TUSC3: variants seen among roughly 807,000 people sequenced by gnomAD.
The protein encoded by TUSC3 is dolichyl-diphosphooligosaccharide--protein glycosyltransferase subunit TUSC3.
A neutral mutation model predicts 44.8 loss-of-function variants in TUSC3; 45 were observed. The ratio of observed to expected loss-of-function variants is 1.00; its 90% CI spans 0.79 to 1.29. The LOEUF is 1.29. Among genes scored for constraint, TUSC3 ranks in the 50% most tolerant of loss-of-function variants. The pLI is 0.00. For missense variants in TUSC3, 519 were observed against 437.9 expected (o/e 1.19, Z -1.65); for synonymous variants, 212 against 152.9 (o/e 1.39, Z -2.85).
rs183109384 is a variant in TUSC3 at position 15,435,683 on chromosome 8, G to T, written n.91+18378G>T. Reference sequence around the variant, plus strand: ...CCTCTTTTTAGCAGGTTGACTTAGAGGAATAAAAATCTCACCTTACATTTG... The same window carrying T: ...CCTCTTTTTAGCAGGTTGACTTAGATGAATAAAAATCTCACCTTACATTTG... On this transcript the variant is annotated intron_variant and non_coding_transcript_variant, in intron 1 of 5. Transcript: ENST00000503191. Among the ~76,000 whole-genome samples, 35 of 152,144 alleles carry T rather than the reference G, an allele frequency of 2.3e-4. No homozygotes were observed. In the East Asian group the frequency reaches 6.4e-3, roughly 28 times the overall value.
the TUSC3 span, among the ~76,000 whole-genome samples, chr8:15,820,598 G>A: frequency 0.091 from 13,901 of 152,140 alleles, 750 homozygotes; most frequent in Middle Eastern, 0.18. Flanking sequence ...GATTACAGGC[G>A]TGAGCCACGG....
intron 1 of TUSC3, among the ~76,000 whole-genome samples, chr8:15,562,611 T>C (rs62504197): frequency 0.19 from 29,534 of 152,006 alleles, 2,881 homozygotes; most frequent in South Asian, 0.24. Context: ...GTTGCGTTCT[T>C]TTCTGAATCT....
chr8:15,498,016 C>G (rs1800907186), intron 2 of TUSC3, among the ~76,000 whole-genome samples: 1 of 152,058 alleles, frequency 6.6e-6, no homozygotes, highest in Admixed American at 6.6e-5. Flanking sequence ...TTCCAAAGTG[C>G]TAGGATTACA....
intron 1 of TUSC3, among the ~76,000 whole-genome samples, chr8:15,587,656 A>G (rs1305472536): frequency 3.3e-5 from 5 of 152,112 alleles, no homozygotes; most frequent in Non-Finnish European, 7.4e-5. Flanking sequence ...GCTATAGAAC[A>G]CTAGAACTTA....
intron 2 of TUSC3, among the ~76,000 whole-genome samples, chr8:15,641,773 C>T (rs1386151158): frequency 6.6e-6 from 1 of 152,192 alleles, no homozygotes; most frequent in Non-Finnish European, 1.5e-5. Flanking sequence ...TATGTTCTTT[C>T]TACTTGGCCA....
chr8:15,815,607 C>A, the TUSC3 span, among the ~76,000 whole-genome samples: 1 of 152,106 alleles, frequency 6.6e-6, no homozygotes, highest in Non-Finnish European at 1.5e-5. Flanking sequence ...CATCTGTCAG[C>A]GATCTCTGCA....
At chr8:15,466,368 A>C (rs912427725) in intron 1 of TUSC3, among the ~76,000 whole-genome samples, 5 of 152,184 alleles carry the variant, frequency 3.3e-5, no homozygotes, top group African/African-American at 9.6e-5. Flanking sequence ...AAGCAATTAC[A>C]TGACTTTCTA....
the TUSC3 span, among the ~76,000 whole-genome samples, chr8:15,782,771 G>C: frequency 6.6e-6 from 1 of 152,234 alleles, no homozygotes; most frequent in African/African-American, 2.4e-5. Flanking sequence ...CAAGCCAAAA[G>C]CTAACATCTG....
upstream of TUSC3, among the ~76,000 whole-genome samples, chr8:15,536,590 G>A (rs1220350000): frequency 2.0e-5 from 3 of 148,468 alleles, no homozygotes; most frequent in African/African-American, 7.4e-5. Context: ...GCTGAGGCAG[G>A]AGAAGAGCTT....
At chr8:15,625,197 T>C (rs1036941980) in intron 2 of TUSC3, among the ~76,000 whole-genome samples, 6 of 152,194 alleles carry the variant, frequency 3.9e-5, no homozygotes, top group Non-Finnish European at 8.8e-5. Context: ...TGGATACTAT[T>C]TAATTGTGTC....
At chr8:15,695,997 T>C (rs1392752417) in intron 6 of TUSC3, among the ~76,000 whole-genome samples, 1 of 152,060 alleles carries the variant, frequency 6.6e-6, no homozygotes, top group African/African-American at 2.4e-5. Context: ...GACAAGGAGA[T>C]AGAAGAGAAA....
intron 2 of TUSC3, among the ~76,000 whole-genome samples, chr8:15,512,819 G>GGT (rs3070876): frequency 7.1e-6 from 1 of 141,810 alleles, no homozygotes; most frequent in African/African-American, 2.7e-5. Flanking sequence ...TCTGTCTTGG[G>GGT]GTGTGTGTGT....
At chr8:15,431,708 G>T (rs1490553808) in intron 1 of TUSC3, among the ~76,000 whole-genome samples, 1 of 151,518 alleles carries the variant, frequency 6.6e-6, no homozygotes, top group Non-Finnish European at 1.5e-5. Context: ...ATGTTGAATA[G>T]AACTGGTAAG....
At chr8:15,506,109 G>GA (rs1286489781) in intron 2 of TUSC3, among the ~76,000 whole-genome samples, 1 of 152,130 alleles carries the variant, frequency 6.6e-6, no homozygotes, top group African/African-American at 2.4e-5. Context: ...AAGAGAGGAT[G>GA]AAAAAGAGAG....
At chr8:15,513,762 G>A (rs1413867086) in intron 2 of TUSC3, among the ~76,000 whole-genome samples, 1 of 152,198 alleles carries the variant, frequency 6.6e-6, no homozygotes, top group Non-Finnish European at 1.5e-5. Flanking sequence ...GGACAGAGGA[G>A]GCGTCTCAGG....
At chr8:15,610,209 A>C (rs924279510) in intron 1 of TUSC3, among the ~76,000 whole-genome samples, 1 of 152,186 alleles carries the variant, frequency 6.6e-6, no homozygotes, top group Non-Finnish European at 1.5e-5. Context: ...GCATACTTTG[A>C]AATCCATAAA....
downstream of TUSC3, among the ~76,000 whole-genome samples, chr8:15,767,727 C>G (rs1022453489): frequency 6.6e-6 from 1 of 152,042 alleles, no homozygotes; most frequent in East Asian, 1.9e-4. Context: ...GTCTTGCCTT[C>G]GGTTGACGTA....
rs553682621 is a variant in TUSC3, at chr8:15,478,184, T to C, written n.92-5202T>C. 2.5e-3 allele frequency among the ~76,000 whole-genome samples: 376 copies of C among 152,276 alleles called. 3 individuals carry two copies. The highest frequency in any genetic ancestry group is 8.8e-3 in the African/African-American group (364 of 41,568). On this transcript the variant is annotated intron_variant and non_coding_transcript_variant, in intron 1 of 5. Coordinates refer to the TUSC3 transcript ENST00000503191. ...AAAGACCATGTGGGCCAGGCTGGTCTCAAAGTCCGGGCCTCAAGTCATACA... is the reference window on the plus strand; with the variant it reads ...AAAGACCATGTGGGCCAGGCTGGTCCCAAAGTCCGGGCCTCAAGTCATACA...
At chr8:15,736,625 C>G (rs949355223) in intron 7 of TUSC3, among the ~76,000 whole-genome samples, 4 of 152,040 alleles carry the variant, frequency 2.6e-5, no homozygotes, top group African/African-American at 9.7e-5. Context: ...CATGTAATTA[C>G]AAGTAGTGGT....
Sources: allele counts gnomAD v4.1 joint callset (sites outside exome capture counted in the v4.1 genomes callset), GRCh38; gene constraint gnomAD v4.1.1; transcripts MANE v1.5; gene names NCBI Gene and HGNC (gene_info 2026-07-23, HGNC 2026-07-21).